Variants in CAPN13 observed in about 807,000 individuals in gnomAD.
The protein encoded by CAPN13 is calpain-13.
Under a neutral mutation model 98.4 loss-of-function variants are expected in CAPN13, and 90 were observed. The ratio of observed to expected loss-of-function variants is 0.92; its 90% CI spans 0.77 to 1.09. The LOEUF (loss-of-function observed/expected upper bound fraction) is 1.09, where lower values mean the gene tolerates loss of function less well. CAPN13 is among the 50% of genes least tolerant of loss of function. The probability of loss-of-function intolerance (pLI) is 0.00; values close to 1 mark genes in which losing one functional copy is unlikely to be tolerated. For missense variants in CAPN13, 887 were observed against 841.3 expected, an observed-to-expected ratio of 1.05 and a Z score of -0.67; for synonymous variants, 330 against 305.5, an observed-to-expected ratio of 1.08 and a Z score of -0.84.
chr2:30,734,115 G>A (rs912230459), intron 19 of CAPN13, among the ~76,000 whole-genome samples: 6 of 152,234 alleles, frequency 3.9e-5, no homozygotes, highest in African/African-American at 1.4e-4. Flanking sequence ...TGATGGCCCA[G>A]ATACTGAGCT....
intron 18 of CAPN13, 142 bp from the exon 19 acceptor site, chr2:30,734,666 C>A: frequency 1.4e-6 from 1 of 692,400 alleles, no homozygotes; most frequent in South Asian, 1.7e-5. Context: ...ACAGTGGCCA[C>A]ACCTGGTGAA....
At chr2:30,734,300 G>C (rs1347934240) in intron 19 of CAPN13, 149 bp downstream of exon 19, 2 of 639,350 alleles carry the variant, frequency 3.1e-6, no homozygotes, top group Non-Finnish European at 5.6e-6. Flanking sequence ...GGCCCCCCAG[G>C]GTCAGTGTGA....
intron 15 of CAPN13, chr2:30,741,670 T>C (rs1671664403): frequency 2.2e-6 from 3 of 1,371,022 alleles, no homozygotes; most frequent in South Asian, 3.3e-5. Flanking sequence ...TCCCCTCCCT[T>C]TCTAAGCTCT....
intron 2 of CAPN13, among the ~76,000 whole-genome samples, chr2:30,781,206 C>A (rs1673968348): frequency 6.6e-6 from 1 of 152,224 alleles, no homozygotes; most frequent in Non-Finnish European, 1.5e-5. Context: ...CCAGGTCACA[C>A]AAGAAACAGG....
intron 11 of CAPN13, among the ~76,000 whole-genome samples, chr2:30,748,760 C>T (rs1428190891): frequency 2.6e-5 from 4 of 152,140 alleles, no homozygotes; most frequent in Non-Finnish European, 5.9e-5. Flanking sequence ...CAACGGTGTA[C>T]TACTGCATCC....
At chr2:30,806,347 C>A (rs201904082) in intron 1 of CAPN13, 1 of 152,150 alleles carries the variant, frequency 6.6e-6, no homozygotes, top group Admixed American at 6.6e-5. Context: ...TTTCCATCAA[C>A]CAATCTACTA....
chr2:30,765,525 CT>C lies in CAPN13; in HGVS notation c.525-1220del, dbSNP rs1558321679. 7.2e-5 allele frequency among the ~76,000 whole-genome samples: 11 copies of C among 152,358 alleles called. No individual in the cohort carries two copies. In the South Asian group the frequency reaches 2.3e-3, roughly 32 times the overall value. ...ATGATCAGGACCTGGGTCTATCCTG[CT>C]GCTCCCTCCAACTGGGTCTTCCACA... is the stretch of plus-strand genomic sequence containing the variant. On this transcript the variant is annotated intron_variant, in intron 5 of 22. Coordinates refer to ENST00000295055, the MANE Select transcript of CAPN13 (RefSeq NM_144575.3).
chr2:30,795,244 C>T (rs1474167466), intron 1 of CAPN13, among the ~76,000 whole-genome samples: 2 of 151,950 alleles, frequency 1.3e-5, no homozygotes, highest in Non-Finnish European at 2.9e-5. Flanking sequence ...GTACGTATCT[C>T]CTGATAAACA....
At chr2:30,792,761 G>GA (rs1193365942) in intron 1 of CAPN13, among the ~76,000 whole-genome samples, 1 of 150,990 alleles carries the variant, frequency 6.6e-6, no homozygotes, top group Non-Finnish European at 1.5e-5. Context: ...TCTTCTTCCT[G>GA]AAAAAAAATT....
At chr2:30,772,636 T>C (rs1673467635) in intron 4 of CAPN13, among the ~76,000 whole-genome samples, 1 of 151,980 alleles carries the variant, frequency 6.6e-6, no homozygotes. Flanking sequence ...AGACCTAATA[T>C]GCAAATAGTT....
At chr2:30,759,189 C>T (rs768171554) in intron 7 of CAPN13, among the ~76,000 whole-genome samples, 95 of 148,916 alleles carry the variant, frequency 6.4e-4, no homozygotes, top group Non-Finnish European at 8.5e-4. Context: ...CTCCTTCCAT[C>T]CCTCCCTTCC....
intron 21 of CAPN13, 149 bp downstream of exon 21, chr2:30,731,195 T>C (rs1479995094): frequency 1.6e-6 from 1 of 637,964 alleles, no homozygotes; most frequent in African/African-American, 1.9e-5. Context: ...GCCAGCGATA[T>C]ATAAGGCAGT....
chr2:30,749,112 G>A (rs1024320214), intron 11 of CAPN13, among the ~76,000 whole-genome samples: 2 of 152,140 alleles, frequency 1.3e-5, no homozygotes, highest in Non-Finnish European at 2.9e-5. Context: ...GGGGCTAGTT[G>A]TGCTTTTGAG....
chr2:30,759,089 G>C lies in CAPN13; in HGVS notation c.775-952C>G, dbSNP rs1402986037. 7.6e-5 allele frequency among the ~76,000 whole-genome samples: 5 copies of C among 65,462 alleles called. 1 individual carries two copies. Among genetic ancestry groups the C allele is most frequent in the East Asian group, 6.1e-4 (1 of 1,634 alleles). 42.9% of individuals were successfully genotyped at this position (65,462 alleles called of 152,430 possible). On this transcript the variant is annotated intron_variant, in intron 7 of 22. Transcript: ENST00000295055. ...CTCCCTCCTCCCTCCCTTCCTCTCT[G>C]CCTCCCTTCATCCCTCCCTCCCTTT...
chr2:30,730,531 T>C (rs1474146154), intron 22 of CAPN13, among the ~76,000 whole-genome samples, 199 bp downstream of exon 22: 1 of 152,182 alleles, frequency 6.6e-6, no homozygotes. Flanking sequence ...GGTCCATTGG[T>C]CTACATTGTC....
intron 2 of CAPN13, among the ~76,000 whole-genome samples, chr2:30,780,002 T>C (rs1190939267): frequency 6.6e-6 from 1 of 152,174 alleles, no homozygotes; most frequent in Non-Finnish European, 1.5e-5. Flanking sequence ...AAATATAAAA[T>C]CATGATGTAG....
At chr2:30,787,428 A>G in intron 1 of CAPN13, 71 bp from the exon 2 acceptor site, 1 of 1,184,328 alleles carries the variant, frequency 8.4e-7, no homozygotes, top group African/African-American at 1.5e-5. Context: ...TGTGAGCCCC[A>G]GATGGGCACT....
At chr2:30,742,177 C>A in intron 14 of CAPN13, 149 bp downstream of exon 14, 1 of 1,072,086 alleles carries the variant, frequency 9.3e-7, no homozygotes. Context: ...TCTCCCCCTA[C>A]CCCGCCCCTT....
rs140053462 is a variant in CAPN13, at chr2:30,802,529, G to C, written c.-33+4773C>G. Among the ~76,000 whole-genome samples, 192 of 114,452 alleles carry C rather than the reference G, an allele frequency of 1.7e-3. 1 individual carries two copies. The highest frequency in any genetic ancestry group is 6.7e-3 in the African/African-American group (186 of 27,850). 75.1% of individuals were successfully genotyped at this position (114,452 alleles called of 152,430 possible). On this transcript the variant is annotated intron_variant, in intron 1 of 22. Coordinates refer to ENST00000295055, the MANE Select transcript of CAPN13 (RefSeq NM_144575.3). The stretch of plus-strand genomic sequence containing the variant: ...CGTGTCTAAGTGAGTGAGTGAAGCA[G>C]AGAAAGGCAGGCTGGGGGGGGGGGG...
Sources: allele counts gnomAD v4.1 joint callset (sites outside exome capture counted in the v4.1 genomes callset), GRCh38; gene constraint gnomAD v4.1.1; transcripts MANE v1.5; gene names NCBI Gene and HGNC (gene_info 2026-07-23, HGNC 2026-07-21).